Variants in RASA3 observed in about 807,000 individuals in gnomAD.
RASA3 encodes the protein RAS p21 protein activator 3, also known as ras GTPase-activating protein 3.
In RASA3, 73 loss-of-function variants were observed where a neutral mutation model predicts 110.0. That is an observed-to-expected ratio of 0.66 (90% CI 0.55 to 0.81). The LOEUF (loss-of-function observed/expected upper bound fraction) is 0.81, where lower values mean the gene tolerates loss of function less well. Ranked by LOEUF, RASA3 falls within the 30% of genes least tolerant of loss-of-function variation. The pLI is 0.00. For synonymous variants in RASA3, 500 were observed against 451.4 expected (o/e 1.11, Z -1.37); for missense variants, 976 against 1,113.2 (o/e 0.88, Z 1.75).
chr13:114,110,050 C>T (rs1045189526), intron 1 of RASA3, among the ~76,000 whole-genome samples: 2 of 152,258 alleles, frequency 1.3e-5, no homozygotes, highest in Non-Finnish European at 2.9e-5. Context: ...GCCAGGCCCT[C>T]TCCCCATCAC....
Position 114,029,848 on chromosome 13 carries a change from T to C in RASA3, c.412A>G (p.Thr138Ala). The C allele has an allele frequency of 6.3e-7, 1 of 1,584,294 alleles. No individual in the cohort carries two copies. The highest frequency in any genetic ancestry group is 1.3e-5 in the African/African-American group (1 of 74,236). Reference sequence around the variant, plus strand: ...TTGTGGCAGACGACCCCAGTGTCTGTGATGACCTCGCTCAGCCGCAGCTCC... The same window carrying C: ...TTGTGGCAGACGACCCCAGTGTCTGCGATGACCTCGCTCAGCCGCAGCTCC... ...HLELRLSEVITDTGVVCHKLA... is the reference protein window; with the variant it reads ...HLELRLSEVIADTGVVCHKLA... Residue 138 changes from threonine to alanine, a missense_variant, in exon 5 of 24, where the codon ACA (threonine) becomes GCA (alanine). Transcript: ENST00000334062.
At chr13:114,019,904 CAG>C (rs1223139605) in intron 9 of RASA3, among the ~76,000 whole-genome samples, 1 of 54,486 alleles carries the variant, frequency 1.8e-5, no homozygotes, top group African/African-American at 1.3e-4. Context: ...GAGGCATTAG[CAG>C]CCCTGTCAGG....
chr13:114,081,278 C>T (rs566259873), intron 1 of RASA3, among the ~76,000 whole-genome samples: 6 of 152,324 alleles, frequency 3.9e-5, no homozygotes, highest in East Asian at 3.9e-4. Context: ...GATCCCTAAA[C>T]GTCTAGGAGG....
In RASA3 at chr13:114,048,371, T is replaced by C. The variant is rs972129714; in HGVS notation, c.277+3681A>G. On this transcript the variant is annotated intron_variant, in intron 3 of 23. Coordinates refer to ENST00000334062, the MANE Select transcript of RASA3 (RefSeq NM_007368.4). This position sits in a 1 kb window ranked among gnomAD's most constrained non-coding sequence, Gnocchi z 4.3. ...GAGGTCTCACTGCACCCCCACCCCA[T>C]TGGGAAGCCTCAGAGAGTCTCTAGG... 1.1e-4 allele frequency among the ~76,000 whole-genome samples: 16 copies of C among 150,470 alleles called. No homozygotes were observed. Among genetic ancestry groups the C allele is most frequent in the South Asian group, 4.2e-4 (2 of 4,744 alleles).
chr13:114,021,511 G>A lies in RASA3; in HGVS notation c.681-3C>T, dbSNP rs949180435. The stretch of plus-strand genomic sequence containing the variant: ...TACTGGCATTCCAGAGGTCAACTCT[G>A]AAAAACAGCATCAGGACAGCTCTAG... On this transcript the variant is annotated splice_polypyrimidine_tract_variant and splice_region_variant and intron_variant, in intron 8 of 23. Coordinates refer to ENST00000334062, the MANE Select transcript of RASA3 (RefSeq NM_007368.4). 1 of 1,612,984 alleles carries A rather than the reference G, an allele frequency of 6.2e-7. No individual in the cohort carries two copies. Among genetic ancestry groups the A allele is most frequent in the Non-Finnish European group, 8.5e-7 (1 of 1,179,288 alleles).
intron 3 of RASA3, among the ~76,000 whole-genome samples, chr13:114,042,091 T>C (rs1045115371): frequency 1.3e-5 from 2 of 152,400 alleles, no homozygotes; most frequent in Non-Finnish European, 2.9e-5. Flanking sequence ...TGGATTTATA[T>C]GTGTAAATTC....
Position 114,052,153 on chromosome 13 carries a change from G to A in RASA3, c.176C>T (p.Pro59Leu), listed in dbSNP as rs1308058052. 7 of 1,608,626 alleles carry A rather than the reference G, an allele frequency of 4.4e-6. No homozygotes were observed. The highest frequency in any genetic ancestry group is 1.3e-5 in the African/African-American group (1 of 74,908). Residue 59 changes from proline (P) to leucine (L), a missense_variant and splice_region_variant, in exon 3 of 24, where the codon CCG becomes CTG. Physicochemically the swap from Pro to Leu is moderately conservative, Grantham distance 98. Transcript: ENST00000334062. ...ACAGTAAAAGTCTTCTCCGTAAAAC[G>A]GGCTAGTGAGACAAAGAAAAGCGCC... ...RTKIVEKSLC[P>L]FYGEDFYCEI...
At chr13:113,981,521 G>A (rs1384297567) in intron 23 of RASA3, among the ~76,000 whole-genome samples, 154 bp downstream of exon 23, 3 of 152,154 alleles carry the variant, frequency 2.0e-5, no homozygotes, top group Non-Finnish European at 2.9e-5. Context: ...ACTGACTACC[G>A]CCAGGTGCCA....
chr13:114,031,001 CTGTG>C (rs1411962041), intron 4 of RASA3, among the ~76,000 whole-genome samples: 1 of 150,754 alleles, frequency 6.6e-6, no homozygotes, highest in Non-Finnish European at 1.5e-5. Flanking sequence ...GTGTGTGCGG[CTGTG>C]TGTCTGCCTG....
chr13:114,123,058 G>A (rs2080399417), intron 1 of RASA3, among the ~76,000 whole-genome samples: 1 of 152,236 alleles, frequency 6.6e-6, no homozygotes, highest in Non-Finnish European at 1.5e-5. Context: ...CACCTTCGGT[G>A]CGTGCCCGGC....
chr13:113,992,463 T>A (rs1344890643), intron 22 of RASA3, 22 bp downstream of exon 22: 1 of 1,592,122 alleles, frequency 6.3e-7, no homozygotes, highest in Non-Finnish European at 8.6e-7. Context: ...GCTGCACAGA[T>A]CTGTGTGCCG....
At chr13:114,004,610 T>C (rs1157050200) in intron 18 of RASA3, among the ~76,000 whole-genome samples, 2 of 152,108 alleles carry the variant, frequency 1.3e-5, no homozygotes, top group East Asian at 3.9e-4. Context: ...CCGGGCAGAA[T>C]GGCTGGGATC....
intron 22 of RASA3, among the ~76,000 whole-genome samples, chr13:113,982,127 T>C (rs11147308): frequency 0.49 from 74,487 of 152,094 alleles, 18,849 homozygotes; most frequent in Non-Finnish European, 0.56. Flanking sequence ...CTGCTGCCCC[T>C]AGCTCCCAGC....
intron 1 of RASA3, among the ~76,000 whole-genome samples, chr13:114,128,753 C>G (rs2080481655): frequency 6.6e-6 from 1 of 152,232 alleles, no homozygotes; most frequent in African/African-American, 2.4e-5. Flanking sequence ...GCCACAGGCA[C>G]TGAGCCCAGA....
chr13:114,080,577 A>G (rs1471891278), intron 1 of RASA3, among the ~76,000 whole-genome samples: 1 of 152,110 alleles, frequency 6.6e-6, no homozygotes, highest in Non-Finnish European at 1.5e-5. Context: ...AACTTCCACC[A>G]CAGGGAGAAT....
chr13:114,023,864 C>T (rs1030234089), intron 8 of RASA3, among the ~76,000 whole-genome samples: 3 of 152,236 alleles, frequency 2.0e-5, no homozygotes, highest in African/African-American at 7.2e-5. Flanking sequence ...ACAGAGGCCA[C>T]CCAGCCGAGA....
In RASA3 at chr13:114,073,845, G is replaced by A. The variant is rs1436251136; in HGVS notation, c.56-8C>T. The A allele has an allele frequency of 1.2e-6, 2 of 1,603,978 alleles. No individual in the cohort carries two copies. Among genetic ancestry groups the A allele is most frequent in the Non-Finnish European group, 1.7e-6 (2 of 1,170,994 alleles). On this transcript the variant is annotated splice_region_variant and splice_polypyrimidine_tract_variant and intron_variant, in intron 1 of 23. Coordinates refer to ENST00000334062, the MANE Select transcript of RASA3 (RefSeq NM_007368.4). ...GAAGGTTTTTGGCTTCACCTAAAAA[G>A]TAAAAGCGACATACATCATCAGCAG... is the stretch of plus-strand genomic sequence containing the variant.
chr13:114,123,032 C>T (rs2080398944), intron 1 of RASA3, among the ~76,000 whole-genome samples: 1 of 152,240 alleles, frequency 6.6e-6, no homozygotes, highest in Non-Finnish European at 1.5e-5. Flanking sequence ...CTTCCTGGGT[C>T]CCTACACCCT....
chr13:113,980,081 A>AC (rs1294554994), intron 23 of RASA3, among the ~76,000 whole-genome samples: 4 of 71,646 alleles, frequency 5.6e-5, no homozygotes, highest in Non-Finnish European at 1.3e-4. Flanking sequence ...ATGTGTGTGC[A>AC]CCACCTCCCA....
Sources: allele counts gnomAD v4.1 joint callset (sites outside exome capture counted in the v4.1 genomes callset), GRCh38; gene constraint gnomAD v4.1.1; non-coding constraint Gnocchi (gnomAD v3.1); transcripts MANE v1.5; gene names NCBI Gene and HGNC (gene_info 2026-07-23, HGNC 2026-07-21).